NFIL3: variants seen among roughly 807,000 people sequenced by gnomAD.
NFIL3 encodes the protein nuclear factor, interleukin 3 regulated.
In NFIL3, 5 loss-of-function variants were observed where a neutral mutation model predicts 10.0. The ratio of observed to expected loss-of-function variants is 0.50; its 90% confidence interval spans 0.26 to 1.06. The LOEUF (loss-of-function observed/expected upper bound fraction) is 1.06, where lower values mean the gene tolerates loss of function less well. Ranked by LOEUF, NFIL3 falls within the 50% of genes least tolerant of loss-of-function variation. The pLI is 0.13. For missense variants in NFIL3, 436 were observed against 547.6 expected (o/e 0.80, Z 2.03); for synonymous variants, 202 against 206.5 (o/e 0.98, Z 0.19).
the NFIL3 span, among the ~76,000 whole-genome samples, chr9:91,478,611 T>C: frequency 1.3e-5 from 2 of 152,092 alleles, no homozygotes; most frequent in African/African-American, 4.8e-5. Flanking sequence ...CGGAGGAGTT[T>C]GTTATTACCC....
chr9:91,462,967 A>C, the NFIL3 span, among the ~76,000 whole-genome samples: 1 of 151,784 alleles, frequency 6.6e-6, no homozygotes, highest in Non-Finnish European at 1.5e-5. Flanking sequence ...TCAGTTATTA[A>C]ATCTGTGGCC....
chr9:91,447,043 C>A, the NFIL3 span, among the ~76,000 whole-genome samples: 2 of 152,012 alleles, frequency 1.3e-5, no homozygotes, highest in Non-Finnish European at 2.9e-5. Context: ...CTTAAACTCC[C>A]GACCTCAGGT....
chr9:91,419,229 G>A (rs1435727343), intron 1 of NFIL3, among the ~76,000 whole-genome samples: 1 of 152,098 alleles, frequency 6.6e-6, no homozygotes, highest in Admixed American at 6.6e-5. Flanking sequence ...AGCATCAATG[G>A]CATCTGGATT....
At chr9:91,464,101 T>G in the NFIL3 span, among the ~76,000 whole-genome samples, 1 of 152,066 alleles carries the variant, frequency 6.6e-6, no homozygotes, top group Non-Finnish European at 1.5e-5. Flanking sequence ...CACCAAAAAT[T>G]TCTGTCTTTT....
At chr9:91,447,412 G>A in the NFIL3 span, among the ~76,000 whole-genome samples, 1 of 152,132 alleles carries the variant, frequency 6.6e-6, no homozygotes, top group Non-Finnish European at 1.5e-5. Flanking sequence ...CTGGCAAATT[G>A]TTTTTCACAG....
the NFIL3 span, among the ~76,000 whole-genome samples, chr9:91,449,976 C>T: frequency 2.0e-5 from 3 of 152,068 alleles, no homozygotes; most frequent in East Asian, 5.8e-4. Flanking sequence ...CCTAGATTAT[C>T]TAATTTTCTG....
the NFIL3 span, among the ~76,000 whole-genome samples, chr9:91,457,229 ATCAGTTTG>A: frequency 6.6e-6 from 1 of 150,520 alleles, no homozygotes; most frequent in Non-Finnish European, 1.5e-5. Context: ...TTTTTTAAGG[ATCAGTTTG>A]TCAGTTTTTG....
intron 1 of NFIL3, among the ~76,000 whole-genome samples, chr9:91,415,642 T>C (rs950799990): frequency 6.6e-5 from 10 of 152,102 alleles, no homozygotes; most frequent in African/African-American, 2.4e-4. Flanking sequence ...TTTTTTTCTT[T>C]TTGAGAAGGA....
rs1833820603 is a variant in NFIL3 at position 91,423,775 on chromosome 9, G to GAGGC, written c.-312_-309dup. 3 of 145,500 alleles carry GAGGC rather than the reference G, an allele frequency of 2.1e-5. 1 individual carries two copies. The highest frequency in any genetic ancestry group is 2.0e-4 in the Admixed American group (3 of 14,692). The allele number at this position is 145,500 out of a possible 1,614,324, so 9.0% of individuals were successfully genotyped here. ...GGGCGGCGGCGAGGGCGCGGCGCGG[G>GAGGC]AGGCGGGCGGGCGCGCCGGGTCCGC... On this transcript the variant is annotated 5_prime_UTR_variant, in exon 1 of 2. Transcript: ENST00000297689.
the NFIL3 span, among the ~76,000 whole-genome samples, chr9:91,451,631 TA>T: frequency 6.6e-6 from 1 of 152,234 alleles, no homozygotes; most frequent in Non-Finnish European, 1.5e-5. Context: ...ACCTGAGAGA[TA>T]ATGAAGTAAT....
the NFIL3 span, among the ~76,000 whole-genome samples, chr9:91,443,589 C>T: frequency 6.6e-6 from 1 of 152,254 alleles, no homozygotes; most frequent in African/African-American, 2.4e-5. Context: ...CACACCTGAA[C>T]AGGTCACAAC....
At chr9:91,435,679 G>T in the NFIL3 span, among the ~76,000 whole-genome samples, 1 of 152,166 alleles carries the variant, frequency 6.6e-6, no homozygotes, top group Non-Finnish European at 1.5e-5. Context: ...TTTGCCACAT[G>T]GTCTTCATGA....
the NFIL3 span, among the ~76,000 whole-genome samples, chr9:91,460,895 C>G: frequency 5.3e-5 from 8 of 152,250 alleles, no homozygotes; most frequent in East Asian, 1.5e-3. Context: ...GCAAAAATGC[C>G]TAATATATCC....
upstream of NFIL3, chr9:91,426,905 A>C (rs1488601502): frequency 1.3e-5 from 2 of 152,196 alleles, no homozygotes; most frequent in African/African-American, 2.4e-5. Flanking sequence ...GGACCTCACT[A>C]GGCCGGAGTA....
At chr9:91,423,086 G>T (rs1833799207) in intron 1 of NFIL3, among the ~76,000 whole-genome samples, 1 of 152,158 alleles carries the variant, frequency 6.6e-6, no homozygotes, top group South Asian at 2.1e-4. Context: ...CGTCTGTGCA[G>T]ACACAGCCCC....
the NFIL3 span, among the ~76,000 whole-genome samples, chr9:91,431,471 A>G: frequency 6.6e-6 from 1 of 152,146 alleles, no homozygotes; most frequent in Non-Finnish European, 1.5e-5. Context: ...ATATATTAAG[A>G]TGTTTCATCC....
At chr9:91,474,255 T>C in the NFIL3 span, among the ~76,000 whole-genome samples, 3 of 152,142 alleles carry the variant, frequency 2.0e-5, no homozygotes, top group African/African-American at 4.8e-5. Context: ...TGTTACTTGA[T>C]TTTTGAATAT....
the NFIL3 span, among the ~76,000 whole-genome samples, chr9:91,472,552 C>T: frequency 2.6e-5 from 4 of 152,300 alleles, no homozygotes; most frequent in South Asian, 8.3e-4. Flanking sequence ...TTTTCAGCTC[C>T]ATCAGGTCAT....
chr9:91,471,486 C>CTTTTT, the NFIL3 span, among the ~76,000 whole-genome samples: 2 of 132,080 alleles, frequency 1.5e-5, no homozygotes, highest in Admixed American at 7.6e-5. Context: ...CAGTCTGTGT[C>CTTTTT]TTTTTTTTTT....
Sources: gnomAD v4.1 joint callset for allele counts (sites outside exome capture counted in the v4.1 genomes callset) on GRCh38, gnomAD v4.1.1 for gene constraint, MANE v1.5 for transcripts, NCBI Gene and HGNC (gene_info 2026-07-23, HGNC 2026-07-21) for gene names.